The following TRAM2 variants were observed in gnomAD, a reference collection of about 807,000 sequenced individuals.
The protein encoded by TRAM2 is translocation associated membrane protein 2, also known as translocating chain-associated membrane protein 2.
TRAM2 carries 12 observed loss-of-function variants against 51.0 expected under a neutral mutation model. The ratio of observed to expected loss-of-function variants is 0.24; its 90% CI spans 0.15 to 0.38. The LOEUF is 0.38. Among genes scored for constraint, TRAM2 ranks in the 10% least tolerant of loss-of-function variants. The pLI is 1.00. For missense variants in TRAM2, 361 were observed against 462.0 expected (o/e 0.78, Z 2.00); for synonymous variants, 175 against 179.4 (o/e 0.98, Z 0.20).
intron 1 of TRAM2, among the ~76,000 whole-genome samples, chr6:52,561,006 A>G (rs955725453): frequency 6.6e-6 from 1 of 152,260 alleles, no homozygotes; most frequent in Non-Finnish European, 1.5e-5. Context: ...CAACTGATGA[A>G]TGCATAAACA....
intron 2 of TRAM2, among the ~76,000 whole-genome samples, chr6:52,525,284 C>T (rs559136305): frequency 6.6e-6 from 1 of 152,284 alleles, no homozygotes; most frequent in Middle Eastern, 3.4e-3. Flanking sequence ...CTGCCCCACT[C>T]CCCCAGGTGG....
At chr6:52,574,402 G>C (rs902548961) in intron 1 of TRAM2, among the ~76,000 whole-genome samples, 3 of 152,174 alleles carry the variant, frequency 2.0e-5, no homozygotes, top group African/African-American at 7.2e-5. Context: ...GGTAAAGACA[G>C]TGAGGCCCCC....
At chr6:52,570,592 C>T (rs1767659683) in intron 1 of TRAM2, among the ~76,000 whole-genome samples, 1 of 152,166 alleles carries the variant, frequency 6.6e-6, no homozygotes, top group African/African-American at 2.4e-5. Context: ...TGGCAACCCC[C>T]ATAAACCATC....
chr6:52,545,208 T>C (rs962255171), intron 1 of TRAM2, among the ~76,000 whole-genome samples: 14 of 152,102 alleles, frequency 9.2e-5, no homozygotes, highest in African/African-American at 3.4e-4. Context: ...TGGACCCCCA[T>C]CTGAACTCAC....
intron 1 of TRAM2, among the ~76,000 whole-genome samples, chr6:52,561,808 G>A (rs1767506735): frequency 6.6e-6 from 1 of 151,782 alleles, no homozygotes; most frequent in Non-Finnish European, 1.5e-5. Flanking sequence ...GAGTTTCACT[G>A]TTTTGCCCAG....
Position 52,503,287 on chromosome 6 carries a change from G to C in TRAM2, c.1040-17C>G. ...CATGGTAACCTGGGAAGTGGAGAGA[G>C]ACAAGCATACATGGTGTTTCTGCTG... On this transcript the variant is annotated splice_polypyrimidine_tract_variant and intron_variant, in intron 10 of 10. Transcript: ENST00000182527. The C allele has an allele frequency of 1.2e-6, 2 of 1,610,078 alleles. No homozygotes were observed. Among genetic ancestry groups the C allele is most frequent in the South Asian group, 1.1e-5 (1 of 91,008 alleles).
At chr6:52,564,472 G>A (rs944518523) in intron 1 of TRAM2, among the ~76,000 whole-genome samples, 3 of 151,906 alleles carry the variant, frequency 2.0e-5, no homozygotes, top group Non-Finnish European at 2.9e-5. Flanking sequence ...TTCCCCCTGC[G>A]CCCAAGCCTT....
At chr6:52,536,940 G>A (rs900725254) in intron 1 of TRAM2, among the ~76,000 whole-genome samples, 4 of 152,152 alleles carry the variant, frequency 2.6e-5, no homozygotes, top group Non-Finnish European at 4.4e-5. Flanking sequence ...TAGGGTGGAG[G>A]ACAAACACAC....
rs1014957682 is a variant in TRAM2 at position 52,570,802 on chromosome 6, C to CT, written c.120+5993_120+5994insA. Among the ~76,000 whole-genome samples, 113 of 121,014 alleles carry CT rather than the reference C, an allele frequency of 9.3e-4. 3 individuals are homozygous for CT. Among genetic ancestry groups the CT allele is most frequent in the Non-Finnish European group, 1.6e-3 (92 of 56,250 alleles). 79.4% of individuals were successfully genotyped at this position (121,014 alleles called of 152,430 possible). On this transcript the variant is annotated intron_variant, in intron 1 of 10. Coordinates refer to ENST00000182527, the MANE Select transcript of TRAM2 (RefSeq NM_012288.4). ...CAATCCTCCCTGCCCACCACCCCCC[C>CT]CCCCACACGCACACACACTCTGCCT...
intron 1 of TRAM2, among the ~76,000 whole-genome samples, chr6:52,539,793 C>T (rs898123811): frequency 2.6e-5 from 4 of 152,164 alleles, no homozygotes; most frequent in African/African-American, 4.8e-5. Flanking sequence ...GCTCAGCTAT[C>T]TGACCCTCAT....
intron 2 of TRAM2, among the ~76,000 whole-genome samples, chr6:52,522,470 A>G (rs1766696084): frequency 6.6e-6 from 1 of 152,278 alleles, no homozygotes; most frequent in Non-Finnish European, 1.5e-5. Context: ...GGCCAACACC[A>G]GACTGGCCAA....
At chr6:52,563,966 A>G (rs1237378782) in intron 1 of TRAM2, among the ~76,000 whole-genome samples, 4 of 151,760 alleles carry the variant, frequency 2.6e-5, no homozygotes, top group African/African-American at 9.7e-5. Context: ...TGCACATGCT[A>G]AAGTAGCCAG....
In TRAM2 at chr6:52,498,067, A is replaced by T. The variant is rs7746960; in HGVS notation, c.*5130T>A. The T allele has an allele frequency of 0.18, 27,569 of 152,256 alleles. 2,948 individuals are homozygous for T. Among genetic ancestry groups the T allele is most frequent in the Non-Finnish European group, 0.24 (16,630 of 68,010 alleles). The allele number at this position is 152,256 out of a possible 1,614,324, so 9.4% of individuals were successfully genotyped here. A position where few individuals can be genotyped will look rare whatever the true frequency, so the allele number is the denominator to read the frequency against. On this transcript the variant is annotated 3_prime_UTR_variant, in exon 11 of 11. Transcript: ENST00000182527. ...TTTTTAAAAATAGACCTCTAAGATGATGCTACATGTTCTAAAAGAGTGCCA... is the reference window on the plus strand; with the variant it reads ...TTTTTAAAAATAGACCTCTAAGATGTTGCTACATGTTCTAAAAGAGTGCCA...
At chr6:52,570,307 T>G (rs1767655116) in intron 1 of TRAM2, among the ~76,000 whole-genome samples, 1 of 152,182 alleles carries the variant, frequency 6.6e-6, no homozygotes, top group South Asian at 2.1e-4. Context: ...TTCAGGGAGA[T>G]GCAAATTTCA....
rs772712039 is a variant in TRAM2 at position 52,507,644 on chromosome 6, T to A, written c.556-21A>T. ...TCCTCCTGGAAACAAGAGAAGCAGA[T>A]GGTAAATTTGCTAATTCCCTAACTG... On this transcript the variant is annotated intron_variant, in intron 6 of 10. Transcript: ENST00000182527. 5 of 1,613,128 alleles carry A rather than the reference T, an allele frequency of 3.1e-6. No individual in the cohort carries two copies. In the South Asian group the frequency reaches 5.5e-5, roughly 18 times the overall value.
At chr6:52,572,157 G>T (rs1767689946) in intron 1 of TRAM2, among the ~76,000 whole-genome samples, 1 of 152,156 alleles carries the variant, frequency 6.6e-6, no homozygotes, top group Non-Finnish European at 1.5e-5. Flanking sequence ...CACAGAACAA[G>T]AGCGCTCAAG....
At chr6:52,514,597 C>T (rs1382930131) in intron 4 of TRAM2, among the ~76,000 whole-genome samples, 1 of 152,234 alleles carries the variant, frequency 6.6e-6, no homozygotes, top group Non-Finnish European at 1.5e-5. Flanking sequence ...GCATTTCACA[C>T]CCTGGAAGGC....
At chr6:52,557,541 C>G (rs1767431204) in intron 1 of TRAM2, among the ~76,000 whole-genome samples, 1 of 152,120 alleles carries the variant, frequency 6.6e-6, no homozygotes, top group Admixed American at 6.5e-5. Flanking sequence ...GGTAAAGAAT[C>G]AGACAATCTA....
At chr6:52,564,104 G>A (rs1043466534) in intron 1 of TRAM2, among the ~76,000 whole-genome samples, 1 of 152,062 alleles carries the variant, frequency 6.6e-6, no homozygotes, top group Non-Finnish European at 1.5e-5. Flanking sequence ...CATCCTGTGT[G>A]TGCATGGGAC....
Sources: gnomAD v4.1 joint callset for allele counts (sites outside exome capture counted in the v4.1 genomes callset) on GRCh38, gnomAD v4.1.1 for gene constraint, MANE v1.5 for transcripts, NCBI Gene and HGNC (gene_info 2026-07-23, HGNC 2026-07-21) for gene names.